Variants in BRINP3 observed in about 807,000 individuals in gnomAD.
BRINP3 encodes the protein BMP/retinoic acid-inducible neural-specific protein 3.
A neutral mutation model predicts 71.0 loss-of-function variants in BRINP3; 19 were observed. The observed-to-expected ratio is 0.27, with a 90% CI of 0.19 to 0.39. BRINP3 has a LOEUF of 0.39. Ranked by LOEUF, BRINP3 falls within the 10% of genes least tolerant of loss-of-function variation. The pLI, the probability that BRINP3 is intolerant of heterozygous loss-of-function variation, is 1.00. For synonymous variants in BRINP3, 380 were observed against 337.7 expected (o/e 1.13, Z -1.37); for missense variants, 959 against 940.8 (o/e 1.02, Z -0.25).
At chr1:190,219,956 T>C (rs765309189) in intron 6 of BRINP3, among the ~76,000 whole-genome samples, 1 of 151,332 alleles carries the variant, frequency 6.6e-6, no homozygotes, top group African/African-American at 2.4e-5. Flanking sequence ...ACCTATAAGA[T>C]ACAGAAAATT....
intron 7 of BRINP3, among the ~76,000 whole-genome samples, chr1:190,127,024 T>C (rs958641782): frequency 6.6e-6 from 1 of 151,942 alleles, no homozygotes; most frequent in African/African-American, 2.4e-5. Flanking sequence ...ACAGTATTTA[T>C]TTATTTCTTA....
intron 2 of BRINP3, among the ~76,000 whole-genome samples, chr1:190,422,891 GA>G (rs1004155486): frequency 6.6e-6 from 1 of 151,718 alleles, no homozygotes; most frequent in African/African-American, 2.4e-5. Flanking sequence ...AACTTCTACA[GA>G]AGTTAAAATG....
rs1283135307 is a variant in BRINP3 at position 190,454,757 on chromosome 1, T to A, written c.134A>T (p.Asp45Val). ...VSDQHATSPF[D>V]WLLSDKGPFH... The stretch of plus-strand genomic sequence containing the variant: ...GGGTCCCTTATCAGAGAGGAGCCAG[T>A]CGAAGGGGCTTGTGGCATGCTGATC... Residue 45 changes from aspartate (D) to valine (V), a missense_variant, in exon 2 of 8, where the codon GAC becomes GTC. Transcript: ENST00000367462. The A allele has an allele frequency of 6.2e-7, 1 of 1,614,146 alleles. No homozygotes were observed. Among genetic ancestry groups the A allele is most frequent in the Admixed American group, 1.7e-5 (1 of 60,016 alleles).
At chr1:190,106,264 A>G (rs1028226170) in intron 7 of BRINP3, among the ~76,000 whole-genome samples, 39 of 151,728 alleles carry the variant, frequency 2.6e-4, no homozygotes, top group Non-Finnish European at 5.3e-4. Flanking sequence ...ATATACATAC[A>G]CATATATATA....
intron 2 of BRINP3, among the ~76,000 whole-genome samples, chr1:190,431,473 C>T (rs1674096778): frequency 6.6e-6 from 1 of 152,118 alleles, no homozygotes; most frequent in Admixed American, 6.6e-5. Flanking sequence ...TCTCCTGCCT[C>T]ATCCTCCCTA....
chr1:190,391,089 C>G (rs1409869618), intron 2 of BRINP3, among the ~76,000 whole-genome samples: 1 of 151,716 alleles, frequency 6.6e-6, no homozygotes, highest in East Asian at 1.9e-4. Context: ...GAGAATTGGT[C>G]TGATTTGGAG....
intron 7 of BRINP3, among the ~76,000 whole-genome samples, chr1:190,136,932 A>G (rs1429390974): frequency 6.6e-6 from 1 of 151,988 alleles, no homozygotes; most frequent in Non-Finnish European, 1.5e-5. Context: ...AATTAAATAT[A>G]TATTTATATA....
intron 7 of BRINP3, among the ~76,000 whole-genome samples, chr1:190,117,439 C>G (rs891726894): frequency 6.6e-6 from 1 of 151,960 alleles, no homozygotes; most frequent in Non-Finnish European, 1.5e-5. Context: ...CATACACAAA[C>G]AGTAGAGATT....
intron 6 of BRINP3, among the ~76,000 whole-genome samples, chr1:190,193,401 T>C (rs1654215051): frequency 6.6e-6 from 1 of 152,100 alleles, no homozygotes; most frequent in Non-Finnish European, 1.5e-5. Flanking sequence ...GTAATTTTTT[T>C]ACTCTCTCAA....
At chr1:190,236,350 G>A (rs925257027) in intron 4 of BRINP3, among the ~76,000 whole-genome samples, 27 of 151,904 alleles carry the variant, frequency 1.8e-4, no homozygotes, top group African/African-American at 6.3e-4. Context: ...ATATTTAGTA[G>A]GAGTGGCAAC....
chr1:190,447,417 A>T (rs1675298000), intron 2 of BRINP3, among the ~76,000 whole-genome samples: 1 of 147,176 alleles, frequency 6.8e-6, no homozygotes, highest in East Asian at 2.0e-4. Context: ...ATTTCTTTTT[A>T]ATTTCTTAAA....
chr1:190,380,487 T>C (rs1179176507), intron 2 of BRINP3, among the ~76,000 whole-genome samples: 2 of 152,056 alleles, frequency 1.3e-5, no homozygotes, highest in Non-Finnish European at 2.9e-5. Context: ...GAGAAACAAA[T>C]TTTCTACATC....
rs567811442 is a variant in BRINP3, at chr1:190,350,260, T to A, written c.237-68510A>T. On this transcript the variant is annotated intron_variant, in intron 2 of 7. Coordinates refer to ENST00000367462, the MANE Select transcript of BRINP3 (RefSeq NM_199051.3). ...CCTTAAATGTAGATCCACAGCTATG[T>A]TCTGGAGGTAACAGGTCCAGAAAAA... Among the ~76,000 whole-genome samples, 11 of 152,100 alleles carry A rather than the reference T, an allele frequency of 7.2e-5. No individual in the cohort carries two copies. The South Asian group carries it at 8.3e-4, about 11-fold the overall frequency.
At chr1:190,294,180 G>A (rs1011841140) in intron 2 of BRINP3, among the ~76,000 whole-genome samples, 1 of 151,154 alleles carries the variant, frequency 6.6e-6, no homozygotes, top group Non-Finnish European at 1.5e-5. Flanking sequence ...TACTTTTAGG[G>A]TATTTATTAT....
intron 7 of BRINP3, among the ~76,000 whole-genome samples, chr1:190,128,061 A>G (rs758185109): frequency 1.3e-5 from 2 of 151,782 alleles, no homozygotes; most frequent in African/African-American, 2.4e-5. Flanking sequence ...TCTAAATACA[A>G]TGGAGTTGGA....
At chr1:190,203,319 T>C (rs1173311129) in intron 6 of BRINP3, among the ~76,000 whole-genome samples, 3 of 151,808 alleles carry the variant, frequency 2.0e-5, no homozygotes, top group Non-Finnish European at 4.4e-5. Flanking sequence ...CATATGCCTC[T>C]AAAGGACCAT....
At chr1:190,200,445 C>CA (rs1348625640) in intron 6 of BRINP3, among the ~76,000 whole-genome samples, 1 of 152,058 alleles carries the variant, frequency 6.6e-6, no homozygotes, top group African/African-American at 2.4e-5. Flanking sequence ...GCAGACTACA[C>CA]AAATGGATGA....
At chr1:190,456,117 A>G (rs1675967221) in intron 1 of BRINP3, among the ~76,000 whole-genome samples, 1 of 152,164 alleles carries the variant, frequency 6.6e-6, no homozygotes, top group Non-Finnish European at 1.5e-5. Flanking sequence ...AGTAGCTACC[A>G]TATTTCTCTG....
intron 4 of BRINP3, among the ~76,000 whole-genome samples, chr1:190,236,900 CTT>C (rs1658575716): frequency 6.6e-6 from 1 of 151,774 alleles, no homozygotes; most frequent in East Asian, 1.9e-4. Flanking sequence ...ACACGCCTGC[CTT>C]TTTTAGAAAG....
Sources: allele counts gnomAD v4.1 joint callset (sites outside exome capture counted in the v4.1 genomes callset), GRCh38; gene constraint gnomAD v4.1.1; transcripts MANE v1.5; gene names NCBI Gene and HGNC (gene_info 2026-07-23, HGNC 2026-07-21).